Variants in SLC38A6 observed in about 807,000 individuals in gnomAD.
SLC38A6 encodes the protein N system amino acid transporter NAT-1.
In SLC38A6, 73 loss-of-function variants were observed where a neutral mutation model predicts 65.0. The ratio of observed to expected loss-of-function variants is 1.12; its 90% confidence interval spans 0.93 to 1.37. The LOEUF is 1.37. Ranked by LOEUF, SLC38A6 falls within the 40% of genes most tolerant of loss-of-function variation. SLC38A6 has a pLI of 0.00. For synonymous variants in SLC38A6, 183 were observed against 178.8 expected, an observed-to-expected ratio of 1.02 and a Z score of -0.19; for missense variants, 561 against 531.1, an observed-to-expected ratio of 1.06 and a Z score of -0.55.
In SLC38A6 at chr14:61,052,454, A is replaced by T; in HGVS notation, c.*25A>T. The T allele has an allele frequency of 6.4e-7, 1 of 1,557,912 alleles. No individual in the cohort carries two copies. The highest frequency in any genetic ancestry group is 8.7e-7 in the Non-Finnish European group (1 of 1,155,462). On this transcript the variant is annotated 3_prime_UTR_variant, in exon 16 of 16. Transcript: ENST00000267488. Reference sequence around the variant, plus strand: ...AAAGAAATATTTTCCTACTTCTTACAAGAATAATATACCCCTAGTTGCAAG... The same window carrying T: ...AAAGAAATATTTTCCTACTTCTTACTAGAATAATATACCCCTAGTTGCAAG...
intron 15 of SLC38A6, among the ~76,000 whole-genome samples, chr14:61,070,186 G>A (rs1293656036): frequency 6.6e-6 from 1 of 152,180 alleles, no homozygotes; most frequent in Non-Finnish European, 1.5e-5. Context: ...AAAACTCTGT[G>A]CCTAATTGAA....
At chr14:61,044,365 T>A (rs1229556670) in intron 10 of SLC38A6, among the ~76,000 whole-genome samples, 3 of 152,186 alleles carry the variant, frequency 2.0e-5, no homozygotes, top group Non-Finnish European at 4.4e-5. Context: ...ATCTTTTACA[T>A]GGTAAAGACC....
intron 12 of SLC38A6, chr14:61,048,349 C>G: frequency 6.1e-6 from 2 of 330,168 alleles, no homozygotes; most frequent in South Asian, 5.0e-5. Context: ...TTGTGATAAT[C>G]TTTGTAAACT....
At chr14:61,075,218 GC>G (rs907882563) in intron 15 of SLC38A6, among the ~76,000 whole-genome samples, 5 of 152,300 alleles carry the variant, frequency 3.3e-5, no homozygotes, top group African/African-American at 7.2e-5. Context: ...GTTTTAATTT[GC>G]CTGTCTCTGT....
intron 15 of SLC38A6, among the ~76,000 whole-genome samples, chr14:61,072,333 G>A (rs541123328): frequency 2.6e-5 from 4 of 152,226 alleles, no homozygotes; most frequent in Non-Finnish European, 4.4e-5. Flanking sequence ...TCACACCATG[G>A]AGAATGGGGT....
At position 60,981,274 on chromosome 14, in the gene SLC38A6, C is replaced by T. The variant is rs1468315782; in HGVS notation, c.-4C>T. 1.3e-6 allele frequency: 2 copies of T among 1,597,832 alleles called. No individual in the cohort carries two copies. Among genetic ancestry groups the T allele is most frequent in the Admixed American group, 1.7e-5 (1 of 57,570 alleles). ...ATGGAACTGGTAGTCAGCTGGAGAG[C>T]AGCATGGAGGCGTCCTGGGGGAGCT... On this transcript the variant is annotated 5_prime_UTR_variant, in exon 1 of 16. Coordinates refer to ENST00000267488, the MANE Select transcript of SLC38A6 (RefSeq NM_153811.3).
intron 15 of SLC38A6, among the ~76,000 whole-genome samples, chr14:61,066,695 C>A (rs938064958): frequency 6.6e-6 from 1 of 152,164 alleles, no homozygotes; most frequent in African/African-American, 2.4e-5. Context: ...GCTGCAGAAC[C>A]ACATATACAA....
intron 2 of SLC38A6, 150 bp downstream of exon 2, chr14:60,982,788 G>C (rs924203486): frequency 9.6e-5 from 84 of 878,942 alleles, no homozygotes; most frequent in Non-Finnish European, 1.3e-4. Flanking sequence ...CTTGTTGCTA[G>C]TGTGTACCTT....
chr14:61,016,049 G>A (rs2039988787), intron 4 of SLC38A6, 93 bp downstream of exon 4: 4 of 824,364 alleles, frequency 4.9e-6, no homozygotes, highest in Non-Finnish European at 7.4e-6. Flanking sequence ...ACAAGAGGAA[G>A]ACATTAGAGG....
intron 8 of SLC38A6, among the ~76,000 whole-genome samples, chr14:61,038,499 GC>G (rs763904964): frequency 6.6e-5 from 10 of 152,016 alleles, no homozygotes; most frequent in Non-Finnish European, 1.3e-4. Context: ...GTCCAAATGA[GC>G]TTTTCATAAG....
intron 12 of SLC38A6, among the ~76,000 whole-genome samples, chr14:61,049,996 G>A (rs982902989): frequency 1.3e-5 from 2 of 152,080 alleles, no homozygotes; most frequent in Non-Finnish European, 2.9e-5. Flanking sequence ...CAGATGAAAC[G>A]TAACATGCAC....
At chr14:61,046,604 A>G (rs762871268) in intron 12 of SLC38A6, among the ~76,000 whole-genome samples, 3 of 152,188 alleles carry the variant, frequency 2.0e-5, no homozygotes, top group Non-Finnish European at 4.4e-5. Flanking sequence ...GTATACTTAG[A>G]TGTCAGACAT....
chr14:61,048,487 A>ATG (rs2042297896), intron 12 of SLC38A6, among the ~76,000 whole-genome samples: 2 of 152,182 alleles, frequency 1.3e-5, no homozygotes, highest in African/African-American at 4.8e-5. Flanking sequence ...CCAGGGAAGC[A>ATG]TGCACCACTC....
chr14:60,997,491 C>T (rs912887323), intron 3 of SLC38A6, among the ~76,000 whole-genome samples: 10 of 152,148 alleles, frequency 6.6e-5, no homozygotes, highest in African/African-American at 2.4e-4. Flanking sequence ...CGCTCCAGGT[C>T]ATGCCTGCCC....
At chr14:60,993,723 C>G (rs2038071660) in intron 3 of SLC38A6, among the ~76,000 whole-genome samples, 1 of 152,210 alleles carries the variant, frequency 6.6e-6, no homozygotes, top group African/African-American at 2.4e-5. Flanking sequence ...GCATACCACT[C>G]AATAAGCCTC....
chr14:61,065,900 C>CTGTAGT (rs1372110951), intron 15 of SLC38A6, among the ~76,000 whole-genome samples: 1 of 152,118 alleles, frequency 6.6e-6, no homozygotes, highest in Non-Finnish European at 1.5e-5. Context: ...CTCTGGCTGG[C>CTGTAGT]TGTAGTGCTG....
At chr14:60,981,712 A>AT in intron 1 of SLC38A6, 1 of 1,322,274 alleles carries the variant, frequency 7.6e-7, no homozygotes, top group Non-Finnish European at 9.9e-7. Context: ...TTGTCACCTT[A>AT]TTTTCTCCAC....
intron 3 of SLC38A6, chr14:60,987,530 G>A (rs997384630): frequency 1.3e-5 from 2 of 152,202 alleles, no homozygotes; most frequent in Non-Finnish European, 2.9e-5. Context: ...AAATGGCAAT[G>A]ATAACACTTC....
chr14:60,982,562 T>C lies in SLC38A6; in HGVS notation c.160T>C (p.Leu54=), dbSNP rs772155822. Residue 54 remains leucine, a synonymous_variant, in exon 2 of 16, where the codon TTG becomes CTG. Coordinates refer to ENST00000267488, the MANE Select transcript of SLC38A6 (RefSeq NM_153811.3). ...TTCATTTGGTTTATCAGTGTTTAAT[T>C]TGATGAATGCCATCATGGGAAGTGG... is the stretch of plus-strand genomic sequence containing the variant. ...GVSFGLSVFN[L]MNAIMGSGIL... The C allele has an allele frequency of 1.2e-6, 2 of 1,614,070 alleles. No individual in the cohort carries two copies. Among genetic ancestry groups the C allele is most frequent in the Non-Finnish European group, 1.7e-6 (2 of 1,180,006 alleles).
Sources: gnomAD v4.1 joint callset for allele counts (sites outside exome capture counted in the v4.1 genomes callset) on GRCh38, gnomAD v4.1.1 for gene constraint, MANE v1.5 for transcripts, NCBI Gene and HGNC (gene_info 2026-07-23, HGNC 2026-07-21) for gene names.